Variants in PRRX2 observed in about 807,000 individuals in gnomAD.
PRRX2 encodes paired related homeobox 2, also known as paired mesoderm homeobox protein 2.
A neutral mutation model predicts 18.0 loss-of-function variants in PRRX2; 11 were observed. The observed-to-expected ratio is 0.61, with a 90% CI of 0.39 to 1.01. PRRX2 has a LOEUF of 1.01. Among genes scored for constraint, PRRX2 ranks in the 50% least tolerant of loss-of-function variants. PRRX2 has a pLI of 0.01. For synonymous variants in PRRX2, 177 were observed against 154.8 expected (o/e 1.14, Z -1.06); for missense variants, 387 against 351.0 (o/e 1.10, Z -0.82).
At position 129,695,013 on chromosome 9, in the gene PRRX2, C is replaced by A. The variant is rs1832403682; in HGVS notation, c.260-24218C>A. On this transcript the variant is annotated intron_variant, in intron 1 of 3. Transcript: ENST00000372469. The surrounding 1 kb of genome is among the most constrained non-coding windows in gnomAD (Gnocchi z 4.8). ...CACCATGGAGGAGGAATGGGGCGAGCTGCAGGCTGGCTCAGAGGGGTCTGG... is the reference window on the plus strand; with the variant it reads ...CACCATGGAGGAGGAATGGGGCGAGATGCAGGCTGGCTCAGAGGGGTCTGG... Among the ~76,000 whole-genome samples the A allele has an allele frequency of 1.3e-5, 2 of 152,154 alleles. No individual in the cohort carries two copies. The highest frequency in any genetic ancestry group is 1.3e-4 in the Admixed American group (2 of 15,276).
chr9:129,720,514 A>G (rs563056025), intron 2 of PRRX2, 82 bp from the exon 3 acceptor site: 1 of 1,353,494 alleles, frequency 7.4e-7, no homozygotes, highest in Non-Finnish European at 1.0e-6. Context: ...TGGGCTGGTG[A>G]CAGAGCAGGC....
chr9:129,666,122 G>A lies in PRRX2; in HGVS notation c.255G>A (p.Gln85=), dbSNP rs995014072. ...GCAGCGGCAGCGAGGCGGCGCCGCA[G>A]GATGGTGAGTACGGCCGGCCAGGGA... ...GGSSGSEAAP[Q]DGECPSPGRG... Residue 85 remains glutamine, a synonymous_variant, in exon 1 of 4, where the codon CAG becomes CAA. Transcript: ENST00000372469. 209 of 1,018,384 alleles carry A rather than the reference G, an allele frequency of 2.1e-4. No individual in the cohort carries two copies. The highest frequency in any genetic ancestry group is 2.4e-4 in the Non-Finnish European group (202 of 853,658). The allele number at this position is 1,018,384 out of a possible 1,614,324, so 63.1% of individuals were successfully genotyped here. A position where few individuals can be genotyped will look rare whatever the true frequency, so the allele number is the denominator to read the frequency against.
chr9:129,698,511 C>T (rs1832457756), intron 1 of PRRX2, among the ~76,000 whole-genome samples: 2 of 152,168 alleles, frequency 1.3e-5, no homozygotes, highest in Non-Finnish European at 2.9e-5. Context: ...TTTCCCGCCA[C>T]GCCTGCCTTC....
chr9:129,666,163 C>CGGGGCG (rs1564361911), intron 1 of PRRX2, 37 bp downstream of exon 1: 7 of 574,416 alleles, frequency 1.2e-5, no homozygotes, highest in Non-Finnish European at 1.5e-5. Context: ...GTGGCGGGGC[C>CGGGGCG]GGGGCCGGGG....
intron 1 of PRRX2, chr9:129,713,125 TG>T: frequency 6.6e-6 from 1 of 152,422 alleles, no homozygotes; most frequent in Non-Finnish European, 1.5e-5. Flanking sequence ...AGGTGCTGCC[TG>T]GGTCCTCCTC....
At chr9:129,677,437 G>A (rs1024994356) in intron 1 of PRRX2, among the ~76,000 whole-genome samples, 3 of 152,240 alleles carry the variant, frequency 2.0e-5, no homozygotes, top group South Asian at 2.1e-4. Flanking sequence ...GGGTTCTCCT[G>A]CTAGAAGCAG....
intron 1 of PRRX2, among the ~76,000 whole-genome samples, chr9:129,698,261 G>T (rs1428042286): frequency 1.1e-5 from 1 of 94,120 alleles, no homozygotes; most frequent in Non-Finnish European, 2.1e-5. Context: ...ATGGGGCGGG[G>T]GGGGGGGGGG....
At chr9:129,684,532 A>ACACACACACACAC (rs1165343797) in intron 1 of PRRX2, among the ~76,000 whole-genome samples, 1 of 140,280 alleles carries the variant, frequency 7.1e-6, no homozygotes. Context: ...ACCCACACAC[A>ACACACACACACAC]CCCCAACAGA....
At chr9:129,701,378 A>T (rs563246944) in intron 1 of PRRX2, among the ~76,000 whole-genome samples, 1 of 152,348 alleles carries the variant, frequency 6.6e-6, no homozygotes, top group Admixed American at 6.5e-5. Flanking sequence ...GGTGCCAGGT[A>T]TTGTCGAGGC....
chr9:129,711,819 T>G (rs1832626098), intron 1 of PRRX2, among the ~76,000 whole-genome samples: 1 of 152,104 alleles, frequency 6.6e-6, no homozygotes, highest in South Asian at 2.1e-4. Flanking sequence ...CCTTAACCAG[T>G]AGGCGGTACT....
In PRRX2 at chr9:129,665,647, G is replaced by T; in HGVS notation, c.-221G>T. The T allele has an allele frequency of 5.7e-6, 1 of 175,956 alleles. No individual in the cohort carries two copies. Among genetic ancestry groups the T allele is most frequent in the Non-Finnish European group, 1.1e-5 (1 of 88,032 alleles). The allele number at this position is 175,956 out of a possible 1,614,324, so 10.9% of individuals were successfully genotyped here. On this transcript the variant is annotated 5_prime_UTR_variant, in exon 1 of 4. Transcript: ENST00000372469. The surrounding 1 kb of genome is among the most constrained non-coding windows in gnomAD (Gnocchi z 5.3). ...AGAAGGGGCGTGTGGCCGGCGCAGC[G>T]CGTGCACCAGCGGCTCCGGAGCGAG...
In PRRX2 at chr9:129,706,721, T is replaced by C. The variant is rs571825760; in HGVS notation, c.260-12510T>C. 7.2e-5 allele frequency among the ~76,000 whole-genome samples: 11 copies of C among 152,062 alleles called. No homozygotes were observed. In the South Asian group the frequency reaches 2.3e-3, roughly 32 times the overall value. On this transcript the variant is annotated intron_variant, in intron 1 of 3. Transcript: ENST00000372469. ...CTAGCCTGAGTGCAGAGGAAGACCA[T>C]CTCAAAAAATAAAATTAAATTAGAA...
At chr9:129,670,807 C>T (rs950967188) in intron 1 of PRRX2, among the ~76,000 whole-genome samples, 18 of 152,220 alleles carry the variant, frequency 1.2e-4, no homozygotes, top group African/African-American at 3.9e-4. Flanking sequence ...GAGGAAGAGA[C>T]AAAGGGGTCC....
intron 1 of PRRX2, among the ~76,000 whole-genome samples, chr9:129,690,791 C>T (rs927824408): frequency 6.6e-6 from 1 of 151,724 alleles, no homozygotes; most frequent in Non-Finnish European, 1.5e-5. Flanking sequence ...CAGGCATGAG[C>T]CACCGCGCCC....
rs575082072 is a variant in PRRX2 at position 129,697,509 on chromosome 9, G to A, written c.260-21722G>A. ...CTGGAACCAGATGTGCCGCGGCGCCGCTCTGGCCGCCACCAGCGCGGCGCG... is the reference window on the plus strand; with the variant it reads ...CTGGAACCAGATGTGCCGCGGCGCCACTCTGGCCGCCACCAGCGCGGCGCG... On this transcript the variant is annotated intron_variant, in intron 1 of 3. Transcript: ENST00000372469. Among the ~76,000 whole-genome samples, 5 of 151,204 alleles carry A rather than the reference G, an allele frequency of 3.3e-5. No individual in the cohort carries two copies. In the South Asian group the frequency reaches 1.0e-3, roughly 31 times the overall value.
intron 1 of PRRX2, among the ~76,000 whole-genome samples, chr9:129,684,458 A>ACCCC (rs71385453): frequency 3.3e-4 from 39 of 118,688 alleles, no homozygotes; most frequent in Non-Finnish European, 6.3e-4. Context: ...ACACACACAC[A>ACCCC]CCCAACAGAA....
At chr9:129,699,265 A>G (rs1832466195) in intron 1 of PRRX2, among the ~76,000 whole-genome samples, 1 of 152,114 alleles carries the variant, frequency 6.6e-6, no homozygotes, top group African/African-American at 2.4e-5. Context: ...TAAAATATAT[A>G]CACACAAAAT....
chr9:129,712,439 C>T (rs1164700707), intron 1 of PRRX2, among the ~76,000 whole-genome samples: 3 of 152,042 alleles, frequency 2.0e-5, no homozygotes, highest in Non-Finnish European at 4.4e-5. Context: ...TTAAATTACA[C>T]GGAATAAGAA....
Position 129,720,762 on chromosome 9 carries a change from C to G in PRRX2, c.614C>G (p.Ser205Trp). Residue 205 changes from serine (S) to tryptophan (W), a missense_variant, in exon 3 of 4, where the codon TCG (serine) becomes TGG (tryptophan). By Grantham distance (177) the Ser-to-Trp change is radical. Transcript: ENST00000372469. ...CCAGATTATCTCTCCTGGACAGCCT[C>G]GTCCCCCTACAGGTGAGAGCGGGAA... Reference protein sequence around the residue: ...LSPDYLSWTASSPYSTVPPYS... With the variant: ...LSPDYLSWTAWSPYSTVPPYS... 2 of 1,594,832 alleles carry G rather than the reference C, an allele frequency of 1.3e-6. No homozygotes were observed. Among genetic ancestry groups the G allele is most frequent in the Non-Finnish European group, 1.7e-6 (2 of 1,169,534 alleles).
Sources: allele counts gnomAD v4.1 joint callset (sites outside exome capture counted in the v4.1 genomes callset), GRCh38; gene constraint gnomAD v4.1.1; non-coding constraint Gnocchi (gnomAD v3.1); transcripts MANE v1.5; gene names NCBI Gene and HGNC (gene_info 2026-07-23, HGNC 2026-07-21).